Variants in BCL7B observed in about 807,000 individuals in gnomAD.
BCL7B encodes the protein BAF chromatin remodeling complex subunit BCL7B.
In BCL7B, 11 loss-of-function variants were observed where a neutral mutation model predicts 26.5. The ratio of observed to expected loss-of-function variants is 0.42; its 90% confidence interval spans 0.26 to 0.69. The LOEUF (loss-of-function observed/expected upper bound fraction) is 0.69. BCL7B is among the 30% of genes least tolerant of loss of function. The pLI is 0.28. For synonymous variants in BCL7B, 111 were observed against 107.9 expected (o/e 1.03, Z -0.18); for missense variants, 215 against 264.4 (o/e 0.81, Z 1.30).
intron 2 of BCL7B, among the ~76,000 whole-genome samples, chr7:73,551,847 G>A (rs1454965018): frequency 4.0e-5 from 6 of 151,844 alleles, no homozygotes; most frequent in Admixed American, 3.9e-4. Context: ...TGTAATCCCA[G>A]CACTTTGGGA....
intron 3 of BCL7B, chr7:73,540,684 G>T (rs539884449): frequency 6.6e-6 from 1 of 151,672 alleles, no homozygotes; most frequent in South Asian, 2.1e-4. Flanking sequence ...CAAAAAATTA[G>T]CCGGCTGTGG....
intron 1 of BCL7B, among the ~76,000 whole-genome samples, chr7:73,555,689 C>A (rs1792335326): frequency 6.6e-6 from 1 of 152,068 alleles, no homozygotes; most frequent in Non-Finnish European, 1.5e-5. Flanking sequence ...CAGTATTTAT[C>A]CTAAAAGCAA....
chr7:73,557,540 C>T lies in BCL7B; in HGVS notation c.39G>A (p.Arg13=), dbSNP rs781976741. 13 of 1,439,976 alleles carry T rather than the reference C, an allele frequency of 9.0e-6. No homozygotes were observed. Among genetic ancestry groups the T allele is most frequent in the Non-Finnish European group, 1.1e-5 (12 of 1,086,140 alleles). 89.2% of individuals were successfully genotyped at this position (1,439,976 alleles called of 1,614,324 possible). A position where few individuals can be genotyped will look rare whatever the true frequency, so the allele number is the denominator to read the frequency against. ...GRSVRAETRS[R]AKDDIKKVMA... ...TCACCTTCTTGATGTCGTCCTTGGCCCGGCTGCGGGTCTCCGCCCGGACCG... is the reference window on the plus strand; with the variant it reads ...TCACCTTCTTGATGTCGTCCTTGGCTCGGCTGCGGGTCTCCGCCCGGACCG... The change falls in exon 1 of 6, where the codon CGG becomes CGA. Residue 13 remains arginine (R), a synonymous_variant. Transcript: ENST00000223368.
intron 3 of BCL7B, among the ~76,000 whole-genome samples, chr7:73,541,538 G>T (rs1386106488): frequency 6.7e-6 from 1 of 149,846 alleles, no homozygotes; most frequent in Non-Finnish European, 1.5e-5. Context: ...TGCTATCTCA[G>T]CTCACCACAA....
rs782553604 is a variant in BCL7B, at chr7:73,552,213, G to A, written c.122C>T (p.Thr41Met). 8.1e-6 allele frequency: 13 copies of A among 1,610,394 alleles called. No individual in the cohort carries two copies. The highest frequency in any genetic ancestry group is 1.1e-5 in the South Asian group (1 of 90,346). Reference protein sequence around the residue: ...WEKKWVTVGDTSLRIFKWVPV... With the variant: ...WEKKWVTVGDMSLRIFKWVPV... ...AACCCACTTAAATATCCTCAGGGAC[G>A]TGTCACCCACAGTCACCCACTTCTT... Residue 41 changes from threonine (T) to methionine (M), a missense_variant, in exon 2 of 6, where the codon ACG becomes ATG. Physicochemically the swap from Thr to Met is moderately conservative, Grantham distance 81. Coordinates refer to ENST00000223368, the MANE Select transcript of BCL7B (RefSeq NM_001707.4).
chr7:73,537,146 G>T lies in BCL7B; in HGVS notation c.*152C>A. Reference sequence around the variant, plus strand: ...CCAGGGTCAGGAAGATGATGCTACAGCCCCAAGTCCTACGCCAGCCTTCCA... The same window carrying T: ...CCAGGGTCAGGAAGATGATGCTACATCCCCAAGTCCTACGCCAGCCTTCCA... On this transcript the variant is annotated 3_prime_UTR_variant, in exon 6 of 6. Coordinates refer to ENST00000223368, the MANE Select transcript of BCL7B (RefSeq NM_001707.4). 1.5e-6 allele frequency: 1 copy of T among 647,100 alleles called. No homozygotes were observed. Among genetic ancestry groups the T allele is most frequent in the Admixed American group, 2.6e-5 (1 of 38,126 alleles). 40.1% of individuals were successfully genotyped at this position (647,100 alleles called of 1,614,324 possible).
intron 2 of BCL7B, among the ~76,000 whole-genome samples, chr7:73,550,648 T>G (rs1792128473): frequency 6.6e-6 from 1 of 152,020 alleles, no homozygotes; most frequent in East Asian, 1.9e-4. Flanking sequence ...TTTTTTGTTT[T>G]TTTTTTGTTT....
Position 73,537,160 on chromosome 7 carries a change from G to A in BCL7B, c.*138C>T, listed in dbSNP as rs1016776522. ...ATGATGCTACAGCCCCAAGTCCTAC[G>A]CCAGCCTTCCAGCCCGGAAGGCTCA... On this transcript the variant is annotated 3_prime_UTR_variant, in exon 6 of 6. Coordinates refer to ENST00000223368, the MANE Select transcript of BCL7B (RefSeq NM_001707.4). 18 of 727,878 alleles carry A rather than the reference G, an allele frequency of 2.5e-5. No homozygotes were observed. Among genetic ancestry groups the A allele is most frequent in the South Asian group, 5.4e-5 (3 of 55,558 alleles). 45.1% of individuals were successfully genotyped at this position (727,878 alleles called of 1,614,324 possible). A position where few individuals can be genotyped will look rare whatever the true frequency, so the allele number is the denominator to read the frequency against.
intron 4 of BCL7B, 72 bp downstream of exon 4, chr7:73,539,810 A>AT: frequency 6.4e-7 from 1 of 1,559,780 alleles, no homozygotes; most frequent in Middle Eastern, 2.3e-4. Context: ...CTGTTACTCT[A>AT]AAGACGAGAC....
chr7:73,551,133 A>G (rs1332713879), intron 2 of BCL7B, among the ~76,000 whole-genome samples: 2 of 152,256 alleles, frequency 1.3e-5, no homozygotes, highest in Non-Finnish European at 2.9e-5. Context: ...GACTAATCGC[A>G]TAAGAGCAAG....
At chr7:73,544,814 T>C (rs547838857) in intron 2 of BCL7B, among the ~76,000 whole-genome samples, 2 of 152,108 alleles carry the variant, frequency 1.3e-5, no homozygotes, top group South Asian at 4.1e-4. Context: ...ATCCCAGCAC[T>C]TGAGGAGGCG....
chr7:73,543,611 G>C lies in BCL7B; in HGVS notation c.202C>G (p.Arg68Gly), dbSNP rs782392310. 2 of 1,613,698 alleles carry C rather than the reference G, an allele frequency of 1.2e-6. No homozygotes were observed. Among genetic ancestry groups the C allele is most frequent in the Non-Finnish European group, 1.7e-6 (2 of 1,179,878 alleles). ...TCAGAAGGAAAGCCATTAGGTTCTC[G>C]GGCTGCTGAACTGTTCGATTTTGAC... ...EKSKSNSSAA[R>G]EPNGFPSDAS... Residue 68 changes from arginine (R) to glycine (G), a missense_variant, in exon 3 of 6, where the codon CGA becomes GGA. Transcript: ENST00000223368.
chr7:73,539,720 G>T, intron 4 of BCL7B, 162 bp downstream of exon 4: 1 of 822,392 alleles, frequency 1.2e-6, no homozygotes, highest in Non-Finnish European at 1.8e-6. Context: ...CCTTCCCTCT[G>T]TGAAAGGGGA....
At chr7:73,557,139 C>A in intron 1 of BCL7B, 1 of 1,003,754 alleles carries the variant, frequency 1.0e-6, no homozygotes, top group African/African-American at 1.7e-5. Flanking sequence ...GAAACGCAGG[C>A]GGGGCCACTG....
At chr7:73,545,972 A>T (rs1292227269) in intron 2 of BCL7B, among the ~76,000 whole-genome samples, 3 of 152,050 alleles carry the variant, frequency 2.0e-5, no homozygotes, top group Non-Finnish European at 4.4e-5. Flanking sequence ...TCCACTAAAA[A>T]TACAAAAAAA....
At chr7:73,540,829 C>CAAAAAAAAAAAAAA (rs56111929) in intron 3 of BCL7B, among the ~76,000 whole-genome samples, 1 of 50,940 alleles carries the variant, frequency 2.0e-5, no homozygotes, top group African/African-American at 8.1e-5. Context: ...GACTCTGTCT[C>CAAAAAAAAAAAAAA]AAAAAAAAAA....
chr7:73,539,464 C>T (rs1791668981), intron 4 of BCL7B, among the ~76,000 whole-genome samples: 1 of 152,020 alleles, frequency 6.6e-6, no homozygotes, highest in African/African-American at 2.4e-5. Context: ...GTTGGTCAGG[C>T]TGGTCTTGAA....
rs1554582645 is a variant in BCL7B, at chr7:73,540,028, A to G, written c.290T>C (p.Val97Ala). The G allele has an allele frequency of 6.2e-7, 1 of 1,613,998 alleles. No individual in the cohort carries two copies. The highest frequency in any genetic ancestry group is 1.7e-5 in the Admixed American group (1 of 59,950). ...CACCTTAAGCTGATAGACGTCAGACACGGAACTCTGGTTGCTGTTTTCGTC... is the reference window on the plus strand; with the variant it reads ...CACCTTAAGCTGATAGACGTCAGACGCGGAACTCTGGTTGCTGTTTTCGTC... ...FQDENSNQSSVSDVYQLKVDS... is the reference protein window; with the variant it reads ...FQDENSNQSSASDVYQLKVDS... Residue 97 changes from valine (V) to alanine (A), a missense_variant, in exon 4 of 6, where the codon GTG (valine) becomes GCG (alanine). By Grantham distance (64) the Val-to-Ala change is moderately conservative. Coordinates refer to ENST00000223368, the MANE Select transcript of BCL7B (RefSeq NM_001707.4).
In BCL7B at chr7:73,543,563, G is replaced by A. The variant is rs1292046610; in HGVS notation, c.250C>T (p.Leu84Phe). ...TGCAACTCACCCTGGAATTCAAGAA[G>A]GAGAGAGGAATTGGCTGAGGCATCA... ...PSDASANSSLLLEFQDENSNQ... is the reference protein window; with the variant it reads ...PSDASANSSLFLEFQDENSNQ... Residue 84 changes from leucine (L) to phenylalanine (F), a missense_variant, in exon 3 of 6, where the codon CTT (leucine) becomes TTT (phenylalanine). Coordinates refer to ENST00000223368, the MANE Select transcript of BCL7B (RefSeq NM_001707.4). 6.2e-7 allele frequency: 1 copy of A among 1,613,622 alleles called. No homozygotes were observed. Among genetic ancestry groups the A allele is most frequent in the African/African-American group, 1.3e-5 (1 of 74,896 alleles).
Sources: gnomAD v4.1 joint callset for allele counts (sites outside exome capture counted in the v4.1 genomes callset) on GRCh38, gnomAD v4.1.1 for gene constraint, MANE v1.5 for transcripts, NCBI Gene and HGNC (gene_info 2026-07-23, HGNC 2026-07-21) for gene names.